STARD4: variants seen among roughly 807,000 people sequenced by gnomAD.
STARD4 encodes stAR-related lipid transfer protein 4.
STARD4 carries 33 observed loss-of-function variants against 24.9 expected under a neutral mutation model. The ratio of observed to expected loss-of-function variants is 1.32; its 90% CI spans 1.00 to 1.77. The LOEUF is 1.77. Ranked by LOEUF, STARD4 falls within the 40% of genes most tolerant of loss-of-function variation. The probability of loss-of-function intolerance (pLI) is 0.00; values close to 1 mark genes in which losing one functional copy is unlikely to be tolerated. For missense variants in STARD4, 238 were observed against 249.3 expected (o/e 0.95, Z 0.31); for synonymous variants, 88 against 77.4 (o/e 1.14, Z -0.72).
intron 4 of STARD4, 140 bp from the exon 5 acceptor site, chr5:111,501,256 C>T (rs1357512480): frequency 1.7e-5 from 16 of 953,842 alleles, no homozygotes; most frequent in Non-Finnish European, 2.2e-5. Flanking sequence ...CTGATTCTGA[C>T]AGGTCTAGAT....
rs575532203 is a variant in STARD4, at chr5:111,499,689, T to C, written c.*197A>G. 2 of 465,164 alleles carry C rather than the reference T, an allele frequency of 4.3e-6. No homozygotes were observed. Among genetic ancestry groups the C allele is most frequent in the Non-Finnish European group, 7.6e-6 (2 of 263,324 alleles). The allele number at this position is 465,164 out of a possible 1,614,324, so 28.8% of individuals were successfully genotyped here. On this transcript the variant is annotated 3_prime_UTR_variant, in exon 6 of 6. Transcript: ENST00000296632. ...CAGAGTGAGAGCCTGTCTCAAAATTTAAAAAAAAAAAAGTGAAAATGCCCT... is the reference window on the plus strand; with the variant it reads ...CAGAGTGAGAGCCTGTCTCAAAATTCAAAAAAAAAAAAGTGAAAATGCCCT...
rs1250730454 is a variant in STARD4 at position 111,499,058 on chromosome 5, C to T, written c.*828G>A. The T allele has an allele frequency of 1.3e-5, 2 of 152,136 alleles. No individual in the cohort carries two copies. The highest frequency in any genetic ancestry group is 4.8e-5 in the African/African-American group (2 of 41,412). The allele number at this position is 152,136 out of a possible 1,614,324, so 9.4% of individuals were successfully genotyped here. A position where few individuals can be genotyped will look rare whatever the true frequency, so the allele number is the denominator to read the frequency against. On this transcript the variant is annotated 3_prime_UTR_variant, in exon 6 of 6. Coordinates refer to ENST00000296632, the MANE Select transcript of STARD4 (RefSeq NM_139164.3). Reference sequence around the variant, plus strand: ...GGAATACTAACACATAAACAACTAACATTAAACACGGAAATGGATTTCGAG... The same window carrying T: ...GGAATACTAACACATAAACAACTAATATTAAACACGGAAATGGATTTCGAG...
At chr5:111,503,457 C>T (rs1030582288) in intron 3 of STARD4, among the ~76,000 whole-genome samples, 25 of 152,146 alleles carry the variant, frequency 1.6e-4, no homozygotes, top group African/African-American at 4.8e-4. Flanking sequence ...GGTGAAACCC[C>T]GTCTCTACTA....
chr5:111,503,013 A>T (rs1756580442), intron 3 of STARD4, among the ~76,000 whole-genome samples: 1 of 152,118 alleles, frequency 6.6e-6, no homozygotes, highest in Non-Finnish European at 1.5e-5. Context: ...AGAATGCCAT[A>T]AGGTTTCCAC....
intron 3 of STARD4, among the ~76,000 whole-genome samples, chr5:111,504,374 A>C (rs1184017527): frequency 2.0e-5 from 3 of 152,214 alleles, no homozygotes; most frequent in Non-Finnish European, 4.4e-5. Flanking sequence ...TCCTGAGAAC[A>C]TAATATTTAA....
intron 1 of STARD4, among the ~76,000 whole-genome samples, chr5:111,511,960 C>G (rs1757322557): frequency 6.6e-6 from 1 of 152,200 alleles, no homozygotes. Context: ...TGGTGGGACG[C>G]GGCTGCCCCT....
intron 4 of STARD4, 116 bp from the exon 5 acceptor site, chr5:111,501,232 T>C (rs1486270693): frequency 8.9e-7 from 1 of 1,117,550 alleles, no homozygotes; most frequent in African/African-American, 1.6e-5. Flanking sequence ...TTCATAATTA[T>C]AATAATTCTT....
intron 3 of STARD4, among the ~76,000 whole-genome samples, chr5:111,502,877 C>G (rs1476213869): frequency 2.6e-5 from 4 of 151,600 alleles, no homozygotes; most frequent in Non-Finnish European, 5.9e-5. Context: ...TTACATTCTA[C>G]CGGTTACTGT....
chr5:111,507,449 T>C lies in STARD4; in HGVS notation c.-9-7A>G, dbSNP rs150639907. 2.7e-5 allele frequency: 43 copies of C among 1,608,034 alleles called. No individual in the cohort carries two copies. The highest frequency in any genetic ancestry group is 2.0e-4 in the East Asian group (9 of 44,716). On this transcript the variant is annotated splice_polypyrimidine_tract_variant and splice_region_variant and intron_variant, in intron 1 of 5. Transcript: ENST00000296632. This position sits in a 1 kb window ranked among gnomAD's most constrained non-coding sequence, Gnocchi z 4.4. ...GGCCTTCCATTACTTCTCTCTGTTA[T>C]GGAGACCAAGATTAGCATCAGCAAA...
chr5:111,502,234 T>A, intron 3 of STARD4, 146 bp from the exon 4 acceptor site: 3 of 898,746 alleles, frequency 3.3e-6, no homozygotes, highest in Middle Eastern at 3.7e-4. Context: ...TCTGGGAGGC[T>A]GAGGTGAGTG....
chr5:111,502,357 T>A (rs1162996853), intron 3 of STARD4, among the ~76,000 whole-genome samples: 1 of 151,438 alleles, frequency 6.6e-6, no homozygotes, highest in African/African-American at 2.4e-5. Flanking sequence ...TAGTCCCAGC[T>A]AGTTGGGAGG....
Position 111,502,075 on chromosome 5 carries a change from C to T in STARD4, c.169G>A (p.Gly57Ser), listed in dbSNP as rs1367366539. ...EFNGYLYKAQ[G>S]VIDDLVYSII... ...CTATAGACAAGGTCATCTATAACAC[C>T]TTGGGCTTTGTAGCTGGAGAAAAAA... Residue 57 changes from glycine to serine, a missense_variant, in exon 4 of 6, where the codon GGT becomes AGT. Physicochemically the swap from Gly to Ser is moderately conservative, Grantham distance 56. Coordinates refer to ENST00000296632, the MANE Select transcript of STARD4 (RefSeq NM_139164.3). 9 of 1,606,192 alleles carry T rather than the reference C, an allele frequency of 5.6e-6. No individual in the cohort carries two copies. Among genetic ancestry groups the T allele is most frequent in the African/African-American group, 1.3e-5 (1 of 74,292 alleles).
At chr5:111,512,221 C>A (rs1358463976) in intron 1 of STARD4, 164 bp downstream of exon 1, 3 of 152,562 alleles carry the variant, frequency 2.0e-5, no homozygotes, top group African/African-American at 7.2e-5. Context: ...GGTCCTCTCC[C>A]GCCCGGACGC....
In STARD4 at chr5:111,496,343, C is replaced by T. The variant is rs558314575; in HGVS notation, c.*3543G>A. On this transcript the variant is annotated 3_prime_UTR_variant, in exon 6 of 6. Coordinates refer to ENST00000296632, the MANE Select transcript of STARD4 (RefSeq NM_139164.3). ...TGTTTCTTCTACACTCAAGTCCCAA[C>T]CTTCTCTACTTCTAGAAGTTGAATA... 6.6e-6 allele frequency: 1 copy of T among 152,192 alleles called. No homozygotes were observed. The highest frequency in any genetic ancestry group is 2.1e-4 in the South Asian group (1 of 4,830). The allele number at this position is 152,192 out of a possible 1,614,324, so 9.4% of individuals were successfully genotyped here.
intron 5 of STARD4, chr5:111,500,336 A>G: frequency 8.0e-7 from 1 of 1,248,498 alleles, no homozygotes; most frequent in Non-Finnish European, 1.0e-6. Flanking sequence ...AGAATACATG[A>G]CATCATATCA....
At position 111,506,346 on chromosome 5, in the gene STARD4, C is replaced by A. The variant is rs774258011; in HGVS notation, c.139G>T (p.Glu47Ter). The A allele has an allele frequency of 3.1e-5, 46 of 1,504,832 alleles. No homozygotes were observed. The highest frequency in any genetic ancestry group is 2.6e-5 in the Non-Finnish European group (29 of 1,095,916). 93.2% of individuals were successfully genotyped at this position (1,504,832 alleles called of 1,614,324 possible). Reference sequence around the variant, plus strand: ...GTTACTTACAGATATCCATTAAATTCTTCTGAGGGTTTTCTCCAAACAGTT... The same window carrying A: ...GTTACTTACAGATATCCATTAAATTATTCTGAGGGTTTTCTCCAAACAGTT... ...DVTVWRKPSE[E>*]FNGYLYKAQG... is the part of the protein sequence containing the mutation. The change falls in exon 3 of 6, where the codon GAA (glutamate) becomes TAA (stop). Residue 47 changes from glutamate to a stop codon, truncating the protein, a stop_gained. Coordinates refer to ENST00000296632, the MANE Select transcript of STARD4 (RefSeq NM_139164.3). LOFTEE classifies it high-confidence loss of function.
rs1285450878 is a variant in STARD4 at position 111,498,315 on chromosome 5, C to G, written c.*1571G>C. The G allele has an allele frequency of 3.3e-5, 5 of 151,584 alleles. No homozygotes were observed. 9.4% of individuals were successfully genotyped at this position (151,584 alleles called of 1,614,324 possible). Reference sequence around the variant, plus strand: ...TATATGTTGATAAGGACAAAGAGAGCACTAGAGTAGAGATAGTGGGCAGTT... The same window carrying G: ...TATATGTTGATAAGGACAAAGAGAGGACTAGAGTAGAGATAGTGGGCAGTT... On this transcript the variant is annotated 3_prime_UTR_variant, in exon 6 of 6. Transcript: ENST00000296632.
In STARD4 at chr5:111,502,431, T is replaced by C. The variant is rs543324260; in HGVS notation, c.156-343A>G. Among the ~76,000 whole-genome samples the C allele has an allele frequency of 5.3e-5, 8 of 150,774 alleles. No homozygotes were observed. The South Asian group carries it at 1.7e-3, about 32-fold the overall frequency. ...TTGCAGTGAGCCAAGATCATGCCAC[T>C]GCACTCCAGCCTAGGTGACGGAGTG... is the stretch of plus-strand genomic sequence containing the variant. On this transcript the variant is annotated intron_variant, in intron 3 of 5. Coordinates refer to ENST00000296632, the MANE Select transcript of STARD4 (RefSeq NM_139164.3).
intron 5 of STARD4, chr5:111,500,660 A>T: frequency 7.9e-7 from 1 of 1,271,970 alleles, no homozygotes; most frequent in Non-Finnish European, 9.9e-7. Context: ...AGACACACCA[A>T]ATCTAGTACT....
Sources: gnomAD v4.1 joint callset for allele counts (sites outside exome capture counted in the v4.1 genomes callset) on GRCh38, gnomAD v4.1.1 for gene constraint, Gnocchi (gnomAD v3.1) non-coding constraint, MANE v1.5 for transcripts, NCBI Gene and HGNC (gene_info 2026-07-23, HGNC 2026-07-21) for gene names.